Variants in CLNK observed in about 807,000 individuals in gnomAD.
CLNK encodes the protein cytokine-dependent hematopoietic cell linker.
In CLNK, 74 loss-of-function variants were observed where a neutral mutation model predicts 68.6. The ratio of observed to expected loss-of-function variants is 1.08; its 90% CI spans 0.89 to 1.31. CLNK has a LOEUF of 1.31. Among genes scored for constraint, CLNK ranks in the 50% most tolerant of loss-of-function variants. CLNK has a pLI of 0.00. For synonymous variants in CLNK, 198 were observed against 172.2 expected (o/e 1.15, Z -1.17); for missense variants, 553 against 515.3 (o/e 1.07, Z -0.71).
the CLNK span, among the ~76,000 whole-genome samples, chr4:10,691,634 T>C: frequency 6.6e-6 from 1 of 152,310 alleles, no homozygotes; most frequent in South Asian, 2.1e-4. Flanking sequence ...TTGGGTTATT[T>C]GCCGGATACT....
chr4:10,540,441 C>T, intron 11 of CLNK, 53 bp downstream of exon 11: 1 of 1,390,222 alleles, frequency 7.2e-7, no homozygotes, highest in Non-Finnish European at 1.0e-6. Context: ...TGTCCCCCTC[C>T]CCCACACCCA....
At chr4:10,555,081 A>T (rs184757848) in intron 8 of CLNK, among the ~76,000 whole-genome samples, 66 of 152,320 alleles carry the variant, frequency 4.3e-4, no homozygotes, top group Admixed American at 1.2e-3. Context: ...TTTCTTCAGC[A>T]TCTAAACTCG....
At chr4:10,511,263 A>T (rs891215648) in intron 16 of CLNK, among the ~76,000 whole-genome samples, 2 of 152,184 alleles carry the variant, frequency 1.3e-5, no homozygotes, top group African/African-American at 4.8e-5. Context: ...ACATGTTCTC[A>T]GGATCTCTGG....
At chr4:10,661,194 G>A (rs574385802) in intron 2 of CLNK, among the ~76,000 whole-genome samples, 23 of 152,330 alleles carry the variant, frequency 1.5e-4, no homozygotes, top group African/African-American at 5.1e-4. Flanking sequence ...ATAATGATCT[G>A]GAGTTTACAT....
At chr4:10,734,121 G>A in the CLNK span, among the ~76,000 whole-genome samples, 4 of 151,908 alleles carry the variant, frequency 2.6e-5, no homozygotes, top group South Asian at 8.3e-4. Context: ...TTTTTCCCTA[G>A]AACAACCATA....
the CLNK span, among the ~76,000 whole-genome samples, chr4:10,702,004 A>T: frequency 6.6e-6 from 1 of 152,232 alleles, no homozygotes; most frequent in Non-Finnish European, 1.5e-5. Flanking sequence ...TCCGCTTGGC[A>T]CACAGGTGTG....
chr4:10,547,245 G>A (rs552195587), intron 8 of CLNK, among the ~76,000 whole-genome samples: 4 of 152,106 alleles, frequency 2.6e-5, no homozygotes, highest in Non-Finnish European at 2.9e-5. Flanking sequence ...AGATCACATG[G>A]GGTCTTGTAC....
intron 3 of CLNK, among the ~76,000 whole-genome samples, chr4:10,591,729 C>T (rs530973109): frequency 3.5e-4 from 53 of 152,306 alleles, no homozygotes; most frequent in African/African-American, 1.1e-3. Context: ...CCCCTGGAAT[C>T]GGTTGTACAT....
chr4:10,516,847 G>T (rs919742590), intron 15 of CLNK, among the ~76,000 whole-genome samples: 1 of 152,144 alleles, frequency 6.6e-6, no homozygotes, highest in Non-Finnish European at 1.5e-5. Context: ...CACCACGCCT[G>T]GCCAGGATTG....
intron 2 of CLNK, among the ~76,000 whole-genome samples, chr4:10,617,194 T>A (rs1722270228): frequency 6.6e-6 from 1 of 152,066 alleles, no homozygotes; most frequent in Non-Finnish European, 1.5e-5. Context: ...CCCCTCCCCA[T>A]CCCAATGCAT....
At chr4:10,692,051 CT>C in the CLNK span, 1 of 148,582 alleles carries the variant, frequency 6.7e-6, no homozygotes, top group East Asian at 2.0e-4. Flanking sequence ...TTTTTTTTTT[CT>C]TTTCTTTTCT....
intron 14 of CLNK, among the ~76,000 whole-genome samples, chr4:10,521,419 C>T (rs1718057073): frequency 6.6e-6 from 1 of 152,190 alleles, no homozygotes; most frequent in Non-Finnish European, 1.5e-5. Flanking sequence ...TCTTAGCACT[C>T]TACTTAATAC....
chr4:10,490,382 GA>G lies in CLNK; in HGVS notation c.*84del. 7.0e-7 allele frequency: 1 copy of G among 1,430,532 alleles called. No individual in the cohort carries two copies. Among genetic ancestry groups the G allele is most frequent in the Non-Finnish European group, 9.4e-7 (1 of 1,060,278 alleles). The allele number at this position is 1,430,532 out of a possible 1,614,324, so 88.6% of individuals were successfully genotyped here. ...TCCAAAGTTAAAAAAGTTGTCCCTT[GA>G]AGGCACAGAAAATAAACTTTTGAAA... is the stretch of plus-strand genomic sequence containing the variant. On this transcript the variant is annotated 3_prime_UTR_variant, in exon 19 of 19. Coordinates refer to ENST00000226951, the MANE Select transcript of CLNK (RefSeq NM_052964.4).
intron 8 of CLNK, among the ~76,000 whole-genome samples, chr4:10,553,679 C>T (rs1719554429): frequency 6.6e-6 from 1 of 152,136 alleles, no homozygotes; most frequent in Non-Finnish European, 1.5e-5. Context: ...GTCTGAAGCT[C>T]CTAACCTCAC....
chr4:10,660,766 C>T (rs6855114), intron 2 of CLNK, among the ~76,000 whole-genome samples: 51,858 of 152,046 alleles, frequency 0.34, 8,916 homozygotes, highest in African/African-American at 0.39. Flanking sequence ...TCATCACCGA[C>T]CATCTTTATT....
chr4:10,587,140 A>G (rs898215542), intron 3 of CLNK, among the ~76,000 whole-genome samples: 1 of 151,892 alleles, frequency 6.6e-6, no homozygotes, highest in Non-Finnish European at 1.5e-5. Flanking sequence ...AATTTTTTGT[A>G]TTTGTAGTAG....
intron 2 of CLNK, among the ~76,000 whole-genome samples, chr4:10,630,556 G>A (rs1161593132): frequency 6.6e-6 from 1 of 152,150 alleles, no homozygotes; most frequent in Non-Finnish European, 1.5e-5. Context: ...ATTCTAGGAG[G>A]GGAAGAGCCA....
the CLNK span, among the ~76,000 whole-genome samples, chr4:10,731,014 A>T: frequency 6.6e-6 from 1 of 152,258 alleles, no homozygotes; most frequent in African/African-American, 2.4e-5. Flanking sequence ...TACAATGTGT[A>T]ATAATCAAAT....
At chr4:10,624,314 G>GA (rs1375526161) in intron 2 of CLNK, among the ~76,000 whole-genome samples, 9 of 151,660 alleles carry the variant, frequency 5.9e-5, no homozygotes, top group African/African-American at 2.2e-4. Flanking sequence ...GTAGTTTTTT[G>GA]GTTTTTTTTT....
Sources: allele counts gnomAD v4.1 joint callset (sites outside exome capture counted in the v4.1 genomes callset), GRCh38; gene constraint gnomAD v4.1.1; transcripts MANE v1.5; gene names NCBI Gene and HGNC (gene_info 2026-07-23, HGNC 2026-07-21).